CAMK2D: variants seen among roughly 807,000 people sequenced by gnomAD.
The protein encoded by CAMK2D is calcium/calmodulin-dependent protein kinase type II subunit delta.
In CAMK2D, 37 loss-of-function variants were observed where a neutral mutation model predicts 84.0. The observed-to-expected ratio is 0.44, with a 90% confidence interval of 0.34 to 0.58. The LOEUF (loss-of-function observed/expected upper bound fraction) is 0.58. Ranked by LOEUF, CAMK2D falls within the 20% of genes least tolerant of loss-of-function variation. The pLI is 0.02. For synonymous variants in CAMK2D, 202 were observed against 212.5 expected, an observed-to-expected ratio of 0.95 and a Z score of 0.43; for missense variants, 448 against 652.5, an observed-to-expected ratio of 0.69 and a Z score of 3.41.
intron 3 of CAMK2D, among the ~76,000 whole-genome samples, chr4:113,645,855 T>C (rs1239156048): frequency 6.6e-6 from 1 of 152,176 alleles, no homozygotes; most frequent in Non-Finnish European, 1.5e-5. Flanking sequence ...CTCACACTCC[T>C]GACAAAGATG....
chr4:113,550,855 A>C lies in CAMK2D; in HGVS notation c.341+1176T>G, dbSNP rs1283223868. Among the ~76,000 whole-genome samples the C allele has an allele frequency of 2.6e-5, 4 of 152,240 alleles. No individual in the cohort carries two copies. The South Asian group carries it at 8.3e-4, about 31-fold the overall frequency. On this transcript the variant is annotated intron_variant, in intron 5 of 20. Transcript: ENST00000511664. ...ATTTGACTTTGGCCATAAAAATTCC[A>C]TTAAAAAATTAGAGCGTAGTCATGT...
chr4:113,701,330 G>C (rs923801177), intron 2 of CAMK2D, among the ~76,000 whole-genome samples: 1 of 152,176 alleles, frequency 6.6e-6, no homozygotes, highest in African/African-American at 2.4e-5. Flanking sequence ...CAATTGGAAT[G>C]CTATTCATCT....
At chr4:113,620,718 G>C (rs372885866) in intron 3 of CAMK2D, among the ~76,000 whole-genome samples, 1 of 152,000 alleles carries the variant, frequency 6.6e-6, no homozygotes, top group South Asian at 2.1e-4. Context: ...ATGTTAGCCA[G>C]GATAGTCTCG....
intron 4 of CAMK2D, among the ~76,000 whole-genome samples, chr4:113,574,386 G>T (rs1281553025): frequency 1.3e-5 from 2 of 152,108 alleles, no homozygotes. Context: ...TCCATAAATA[G>T]CATCTAAATA....
chr4:113,750,104 TG>T (rs1310228441), intron 2 of CAMK2D, among the ~76,000 whole-genome samples: 2 of 152,172 alleles, frequency 1.3e-5, no homozygotes, highest in Admixed American at 1.3e-4. Context: ...GGCCACAACA[TG>T]TATGACTGCA....
intron 6 of CAMK2D, among the ~76,000 whole-genome samples, chr4:113,544,357 G>C: frequency 6.6e-6 from 1 of 152,102 alleles, no homozygotes. Flanking sequence ...GATGTTGCTA[G>C]CAAAATTATT....
intron 4 of CAMK2D, 47 bp downstream of exon 4, chr4:113,609,105 G>T: frequency 1.0e-6 from 1 of 976,392 alleles, no homozygotes; most frequent in Non-Finnish European, 1.7e-6. Flanking sequence ...ATTCAAAACG[G>T]TCCTCAATTA....
intron 3 of CAMK2D, among the ~76,000 whole-genome samples, chr4:113,627,134 G>A (rs1403100627): frequency 1.3e-5 from 2 of 151,844 alleles, no homozygotes; most frequent in Non-Finnish European, 1.5e-5. Context: ...TCTCTTTGAA[G>A]TGAAAAAAAG....
At chr4:113,492,048 C>G (rs571309931) in intron 16 of CAMK2D, among the ~76,000 whole-genome samples, 21 of 151,994 alleles carry the variant, frequency 1.4e-4, no homozygotes, top group Admixed American at 3.9e-4. Flanking sequence ...CTTTATTAGT[C>G]TTCCTAGCGG....
At chr4:113,601,463 G>A (rs1235351794) in intron 4 of CAMK2D, among the ~76,000 whole-genome samples, 1 of 151,034 alleles carries the variant, frequency 6.6e-6, no homozygotes, top group Non-Finnish European at 1.5e-5. Flanking sequence ...GTTAGTATAC[G>A]TACTGGAAAA....
At chr4:113,729,202 C>T (rs1055429423) in intron 2 of CAMK2D, among the ~76,000 whole-genome samples, 4 of 152,136 alleles carry the variant, frequency 2.6e-5, no homozygotes, top group Admixed American at 6.5e-5. Context: ...ACAGTTCTTA[C>T]ATCTTTCCTT....
intron 2 of CAMK2D, among the ~76,000 whole-genome samples, chr4:113,758,631 T>C (rs971646582): frequency 1.3e-5 from 2 of 152,188 alleles, no homozygotes; most frequent in Non-Finnish European, 2.9e-5. Flanking sequence ...TGAGTTCTAC[T>C]AAATAAAAAG....
At chr4:113,584,072 T>C (rs911056891) in intron 4 of CAMK2D, among the ~76,000 whole-genome samples, 1 of 152,214 alleles carries the variant, frequency 6.6e-6, no homozygotes, top group African/African-American at 2.4e-5. Context: ...AGACTATGCC[T>C]GGGTATCTCA....
chr4:113,699,276 T>A (rs945544911), intron 2 of CAMK2D, among the ~76,000 whole-genome samples: 3 of 152,114 alleles, frequency 2.0e-5, no homozygotes, highest in Admixed American at 2.0e-4. Flanking sequence ...ATCTGATAGT[T>A]TTTTCTTTTG....
At chr4:113,645,535 C>A (rs553541872) in intron 3 of CAMK2D, among the ~76,000 whole-genome samples, 1 of 152,170 alleles carries the variant, frequency 6.6e-6, no homozygotes, top group Non-Finnish European at 1.5e-5. Context: ...CAGGACAGAG[C>A]TCCCAAGTGA....
intron 2 of CAMK2D, among the ~76,000 whole-genome samples, chr4:113,733,563 T>C (rs930150037): frequency 6.6e-6 from 1 of 152,212 alleles, no homozygotes; most frequent in Non-Finnish European, 1.5e-5. Context: ...CAGGTATAAG[T>C]ATGGCTCCAA....
chr4:113,555,220 G>A (rs1199447088), intron 4 of CAMK2D, among the ~76,000 whole-genome samples: 2 of 152,136 alleles, frequency 1.3e-5, no homozygotes, highest in Non-Finnish European at 2.9e-5. Flanking sequence ...GTCAAAGACT[G>A]GGATTTAAAA....
intron 4 of CAMK2D, among the ~76,000 whole-genome samples, chr4:113,579,150 T>C (rs985849239): frequency 6.6e-6 from 1 of 152,306 alleles, no homozygotes; most frequent in East Asian, 1.9e-4. Context: ...CTGACTGTTT[T>C]TGGAGACTAA....
intron 2 of CAMK2D, among the ~76,000 whole-genome samples, chr4:113,667,098 C>T (rs1396945351): frequency 2.6e-5 from 4 of 152,168 alleles, no homozygotes; most frequent in African/African-American, 9.7e-5. Context: ...ACCTGGCTGG[C>T]TACTCATTCT....
Sources: allele counts gnomAD v4.1 joint callset (sites outside exome capture counted in the v4.1 genomes callset), GRCh38; gene constraint gnomAD v4.1.1; transcripts MANE v1.5; gene names NCBI Gene and HGNC (gene_info 2026-07-23, HGNC 2026-07-21).